TENM3: variants seen among roughly 807,000 people sequenced by gnomAD.
TENM3 encodes the protein teneurin transmembrane protein 3, also known as teneurin-3.
Under a neutral mutation model 255.1 loss-of-function variants are expected in TENM3, and 63 were observed. The ratio of observed to expected loss-of-function variants is 0.25; its 90% CI spans 0.20 to 0.30. TENM3 has a LOEUF of 0.30. Among genes scored for constraint, TENM3 ranks in the 10% least tolerant of loss-of-function variants. The probability of loss-of-function intolerance (pLI) is 1.00; values close to 1 mark genes in which losing one functional copy is unlikely to be tolerated. For synonymous variants in TENM3, 1,306 were observed against 1,322.3 expected (o/e 0.99, Z 0.27); for missense variants, 2,929 against 3,461.1 (o/e 0.85, Z 3.86).
chr4:181,557,024 A>C, the TENM3 span, among the ~76,000 whole-genome samples: 1 of 152,174 alleles, frequency 6.6e-6, no homozygotes, highest in Admixed American at 6.5e-5. Context: ...TATCTCAGAA[A>C]TTTTGACACT....
chr4:181,899,890 C>G, the TENM3 span, among the ~76,000 whole-genome samples: 1 of 152,094 alleles, frequency 6.6e-6, no homozygotes, highest in Non-Finnish European at 1.5e-5. Flanking sequence ...ATCAACTACC[C>G]TGGATATTTT....
intron 24 of TENM3, among the ~76,000 whole-genome samples, chr4:182,781,917 T>G (rs1312758389): frequency 1.6e-4 from 24 of 150,384 alleles, no homozygotes; most frequent in Non-Finnish European, 3.0e-4. Context: ...TTATCATTTT[T>G]TATTGCATCT....
chr4:182,306,602 TA>T, intron 1 of TENM3, among the ~76,000 whole-genome samples: 1 of 152,266 alleles, frequency 6.6e-6, no homozygotes. Context: ...TATTACTGGA[TA>T]AATATTGTGA....
the TENM3 span, among the ~76,000 whole-genome samples, chr4:182,024,910 C>A: frequency 1.3e-5 from 2 of 151,788 alleles, no homozygotes; most frequent in South Asian, 4.1e-4. Context: ...TTTTTAGATC[C>A]CACAAAAAAA....
At chr4:181,470,870 TACC>T in the TENM3 span, among the ~76,000 whole-genome samples, 1 of 152,342 alleles carries the variant, frequency 6.6e-6, no homozygotes, top group South Asian at 2.1e-4. Context: ...TTTTATTAAA[TACC>T]AGTAATTTAA....
At chr4:182,758,388 T>G (rs1392805502) in intron 22 of TENM3, among the ~76,000 whole-genome samples, 1 of 152,182 alleles carries the variant, frequency 6.6e-6, no homozygotes, top group African/African-American at 2.4e-5. Flanking sequence ...AAGCACTGTC[T>G]GTGTTCAGAC....
At chr4:182,174,679 T>C (rs2149708735) in intron 1 of TENM3, among the ~76,000 whole-genome samples, 1 of 152,222 alleles carries the variant, frequency 6.6e-6, no homozygotes, top group East Asian at 1.9e-4. Flanking sequence ...AAGAAAATAA[T>C]TGAAACTGGA....
chr4:182,094,368 C>A, the TENM3 span, among the ~76,000 whole-genome samples: 1 of 151,990 alleles, frequency 6.6e-6, no homozygotes, highest in Non-Finnish European at 1.5e-5. Context: ...ACCTCAGCCT[C>A]CCGAGTAGCT....
the TENM3 span, among the ~76,000 whole-genome samples, chr4:181,680,162 C>T: frequency 6.6e-6 from 1 of 152,154 alleles, no homozygotes; most frequent in Non-Finnish European, 1.5e-5. Context: ...CCTTAAGCTT[C>T]ATTTCTGGGC....
chr4:182,107,186 A>T, the TENM3 span, among the ~76,000 whole-genome samples: 37 of 144,620 alleles, frequency 2.6e-4, 1 homozygote, highest in East Asian at 7.5e-3. Flanking sequence ...ACACACACAC[A>T]CTACACAGAG....
At chr4:182,272,427 C>A (rs962217373) in intron 1 of TENM3, among the ~76,000 whole-genome samples, 1 of 152,102 alleles carries the variant, frequency 6.6e-6, no homozygotes, top group Non-Finnish European at 1.5e-5. Context: ...GATAAAGAAA[C>A]AAATGAAATG....
the TENM3 span, among the ~76,000 whole-genome samples, chr4:182,095,340 C>T: frequency 6.6e-6 from 1 of 152,158 alleles, no homozygotes; most frequent in Non-Finnish European, 1.5e-5. Context: ...TACACACATA[C>T]ACAATGGAAT....
chr4:181,911,999 C>T, the TENM3 span, among the ~76,000 whole-genome samples: 3 of 152,218 alleles, frequency 2.0e-5, no homozygotes, highest in Non-Finnish European at 4.4e-5. Flanking sequence ...GACACAGAAT[C>T]TTTGTACCTC....
chr4:182,231,033 T>C (rs1438128196), intron 1 of TENM3, among the ~76,000 whole-genome samples: 2 of 151,412 alleles, frequency 1.3e-5, no homozygotes, highest in African/African-American at 2.4e-5. Flanking sequence ...CCAAGCTTGT[T>C]GTATGCTGGA....
At chr4:182,158,120 G>A (rs1750838908) in intron 1 of TENM3, among the ~76,000 whole-genome samples, 1 of 152,160 alleles carries the variant, frequency 6.6e-6, no homozygotes, top group Non-Finnish European at 1.5e-5. Flanking sequence ...GAACTAAAGG[G>A]CACACGCTTT....
intron 12 of TENM3, among the ~76,000 whole-genome samples, chr4:182,694,742 T>C (rs1045432970): frequency 2.0e-5 from 3 of 152,304 alleles, no homozygotes; most frequent in African/African-American, 7.2e-5. Context: ...CCTTGGGCTT[T>C]GGGATGCCGA....
chr4:181,724,992 G>C, the TENM3 span, among the ~76,000 whole-genome samples: 1,784 of 152,254 alleles, frequency 0.012, 15 homozygotes, highest in Middle Eastern at 0.031. Context: ...ATTCCAGTTT[G>C]GTGAAAGGTA....
intron 3 of TENM3, among the ~76,000 whole-genome samples, chr4:182,592,274 G>C (rs1746737560): frequency 1.3e-5 from 2 of 152,080 alleles, no homozygotes; most frequent in African/African-American, 4.8e-5. Flanking sequence ...TCAAGGAGAA[G>C]CAGTTTCTGG....
the TENM3 span, among the ~76,000 whole-genome samples, chr4:182,034,147 A>T: frequency 6.6e-6 from 1 of 152,100 alleles, no homozygotes. Context: ...AAACCATAAG[A>T]TCTCATGAGA....
Sources: gnomAD v4.1 joint callset for allele counts (sites outside exome capture counted in the v4.1 genomes callset) on GRCh38, gnomAD v4.1.1 for gene constraint, MANE v1.5 for transcripts, NCBI Gene and HGNC (gene_info 2026-07-23, HGNC 2026-07-21) for gene names.